PCDHA12: variants seen among roughly 807,000 people sequenced by gnomAD.
PCDHA12 encodes protocadherin alpha 12.
PCDHA12 carries 44 observed loss-of-function variants against 60.0 expected under a neutral mutation model. The ratio of observed to expected loss-of-function variants is 0.73; its 90% CI spans 0.58 to 0.94. The LOEUF (loss-of-function observed/expected upper bound fraction) is 0.94. Ranked by LOEUF, PCDHA12 falls within the 40% of genes least tolerant of loss-of-function variation. The pLI is 0.00. For missense variants in PCDHA12, 1,276 were observed against 1,239.7 expected (o/e 1.03, Z -0.44); for synonymous variants, 569 against 553.0 (o/e 1.03, Z -0.40).
chr5:140,947,551 C>G (rs1203978810), intron 1 of PCDHA12, among the ~76,000 whole-genome samples: 3 of 151,488 alleles, frequency 2.0e-5, no homozygotes, highest in Non-Finnish European at 4.4e-5. Context: ...AAGAATTCCG[C>G]TGGGATTTAT....
chr5:140,973,799 A>G (rs1470568019), intron 1 of PCDHA12, among the ~76,000 whole-genome samples: 1 of 152,254 alleles, frequency 6.6e-6, no homozygotes, highest in African/African-American at 2.4e-5. Flanking sequence ...CATGCTGTCT[A>G]CTTGACAGAA....
chr5:140,995,526 A>G (rs1241973159), intron 3 of PCDHA12, among the ~76,000 whole-genome samples: 1 of 152,244 alleles, frequency 6.6e-6, no homozygotes, highest in Non-Finnish European at 1.5e-5. Context: ...TCAGAAATCA[A>G]ACCTCAAATA....
chr5:140,879,479 G>A (rs992823540), intron 1 of PCDHA12, among the ~76,000 whole-genome samples: 10 of 152,196 alleles, frequency 6.6e-5, no homozygotes, highest in Non-Finnish European at 1.3e-4. Context: ...GTTGTGATTG[G>A]AAATATGGGT....
At chr5:140,949,628 C>G (rs974912926) in intron 1 of PCDHA12, among the ~76,000 whole-genome samples, 18 of 151,706 alleles carry the variant, frequency 1.2e-4, no homozygotes, top group African/African-American at 4.1e-4. Context: ...GTTTTCATGG[C>G]ATATTGCTTT....
intron 1 of PCDHA12, chr5:140,927,132 G>C: frequency 6.2e-7 from 1 of 1,614,052 alleles, no homozygotes; most frequent in Non-Finnish European, 8.5e-7. Context: ...TCAGAGAGCC[G>C]GCGGACCGCG....
intron 3 of PCDHA12, among the ~76,000 whole-genome samples, chr5:140,993,523 CAGAG>C (rs111789518): frequency 3.4e-5 from 5 of 145,668 alleles, no homozygotes; most frequent in South Asian, 2.2e-4. Flanking sequence ...GAGAGAGAGA[CAGAG>C]AGAGAGAGAG....
intron 1 of PCDHA12, among the ~76,000 whole-genome samples, chr5:140,954,220 T>C (rs782685715): frequency 2.0e-5 from 3 of 152,240 alleles, no homozygotes; most frequent in African/African-American, 4.8e-5. Context: ...GTTTTTGCTA[T>C]TGTGAATAGT....
chr5:141,008,607 C>T (rs782227320), intron 3 of PCDHA12, among the ~76,000 whole-genome samples: 33 of 152,196 alleles, frequency 2.2e-4, no homozygotes, highest in Non-Finnish European at 3.8e-4. Flanking sequence ...CCTCTGGAAC[C>T]CCATTAACTT....
rs1554262721 is a variant in PCDHA12, at chr5:141,010,165, GA to G, written c.*230del. ...TTCTCTCCACTCTGGCTTGTTTTCA[GA>G]ACCTAAAAAGCAGACCCAAGTTTCC... On this transcript the variant is annotated 3_prime_UTR_variant, in exon 4 of 4. Coordinates refer to ENST00000398631, the MANE Select transcript of PCDHA12 (RefSeq NM_018903.4). The G allele has an allele frequency of 1.9e-6, 3 of 1,563,714 alleles. No homozygotes were observed.
chr5:140,901,907 A>C (rs1204627106), intron 1 of PCDHA12, among the ~76,000 whole-genome samples: 1 of 150,942 alleles, frequency 6.6e-6, no homozygotes, highest in African/African-American at 2.4e-5. Context: ...CATTGTGGAG[A>C]TCTTTCACTT....
intron 1 of PCDHA12, chr5:140,926,824 A>T: frequency 1.3e-6 from 2 of 1,496,944 alleles, no homozygotes; most frequent in Non-Finnish European, 1.8e-6. Context: ...GCTCTCCAGG[A>T]GTCCGGAGCA....
intron 1 of PCDHA12, among the ~76,000 whole-genome samples, chr5:140,972,527 C>A (rs1173109086): frequency 6.6e-6 from 1 of 152,092 alleles, no homozygotes; most frequent in Non-Finnish European, 1.5e-5. Flanking sequence ...GAGCTTATTT[C>A]ATAAATCACT....
At chr5:140,909,995 A>G (rs1315885700) in intron 1 of PCDHA12, among the ~76,000 whole-genome samples, 2 of 152,178 alleles carry the variant, frequency 1.3e-5, no homozygotes, top group African/African-American at 4.8e-5. Flanking sequence ...AACAGCATAA[A>G]TTGTTGTCAG....
At chr5:140,883,388 G>T (rs2059587175) in intron 1 of PCDHA12, 2 of 1,614,164 alleles carry the variant, frequency 1.2e-6, no homozygotes, top group Non-Finnish European at 1.7e-6. Context: ...CCTAATCAGT[G>T]TGTCCGATCG....
intron 3 of PCDHA12, among the ~76,000 whole-genome samples, chr5:140,990,016 G>A (rs1211656433): frequency 6.6e-6 from 1 of 152,138 alleles, no homozygotes; most frequent in East Asian, 1.9e-4. Flanking sequence ...GCGTGGGCTA[G>A]GCAAAGGATG....
intron 1 of PCDHA12, chr5:140,966,824 A>T: frequency 1.3e-6 from 2 of 1,559,992 alleles, no homozygotes; most frequent in Non-Finnish European, 1.7e-6. Flanking sequence ...CCGGCGGCCC[A>T]TGCCCTGGCT....
chr5:140,912,918 G>A (rs1302662045), intron 1 of PCDHA12, among the ~76,000 whole-genome samples: 16 of 152,284 alleles, frequency 1.1e-4, no homozygotes, highest in Middle Eastern at 3.4e-3. Flanking sequence ...ATTGATTTGT[G>A]TATGTTGAAT....
chr5:140,929,101 A>G (rs1554206680), intron 1 of PCDHA12: 3 of 1,614,242 alleles, frequency 1.9e-6, no homozygotes, highest in Admixed American at 1.7e-5. Flanking sequence ...AAATCCTTGC[A>G]TGACATCAGC....
At chr5:140,884,381 T>C in intron 1 of PCDHA12, 2 of 1,613,986 alleles carry the variant, frequency 1.2e-6, no homozygotes, top group Non-Finnish European at 1.7e-6. Flanking sequence ...CATTGCCATC[T>C]GCGCGGTGTC....
Sources: gnomAD v4.1 joint callset for allele counts (sites outside exome capture counted in the v4.1 genomes callset) on GRCh38, gnomAD v4.1.1 for gene constraint, MANE v1.5 for transcripts, NCBI Gene and HGNC (gene_info 2026-07-23, HGNC 2026-07-21) for gene names.